KIAA0513: variants seen among roughly 807,000 people sequenced by gnomAD.
KIAA0513 encodes KIAA0513, also known as uncharacterized protein KIAA0513.
Under a neutral mutation model 56.5 loss-of-function variants are expected in KIAA0513, and 39 were observed. That is an observed-to-expected ratio of 0.69 (90% CI 0.53 to 0.90). The LOEUF (loss-of-function observed/expected upper bound fraction) is 0.90, where lower values mean the gene tolerates loss of function less well. KIAA0513 is among the 40% of genes least tolerant of loss of function. The pLI, the probability that KIAA0513 is intolerant of heterozygous loss-of-function variation, is 0.00. For synonymous variants in KIAA0513, 268 were observed against 215.6 expected, an observed-to-expected ratio of 1.24 and a Z score of -2.13; for missense variants, 591 against 535.2, an observed-to-expected ratio of 1.10 and a Z score of -1.03.
chr16:85,040,960 A>C (rs2073097286), intron 1 of KIAA0513, among the ~76,000 whole-genome samples: 1 of 152,148 alleles, frequency 6.6e-6, no homozygotes, highest in African/African-American at 2.4e-5. Flanking sequence ...TGCCAACTCC[A>C]CCATTTCCAG....
intron 8 of KIAA0513, 119 bp downstream of exon 8, chr16:85,079,122 A>T: frequency 3.9e-6 from 6 of 1,542,292 alleles, no homozygotes; most frequent in Non-Finnish European, 5.2e-6. Flanking sequence ...CACACTCACC[A>T]GAGTGGCAGA....
chr16:85,046,731 T>G (rs1597599819), intron 1 of KIAA0513, among the ~76,000 whole-genome samples: 1 of 152,222 alleles, frequency 6.6e-6, no homozygotes, highest in African/African-American at 2.4e-5. Flanking sequence ...TGAGCCTATC[T>G]AGTGGGTTTT....
intron 8 of KIAA0513, among the ~76,000 whole-genome samples, chr16:85,080,200 G>A (rs1039635811): frequency 3.3e-5 from 5 of 152,310 alleles, no homozygotes; most frequent in East Asian, 1.9e-4. Flanking sequence ...AAGCTGGCCC[G>A]CTTTGTCCCG....
intron 2 of KIAA0513, among the ~76,000 whole-genome samples, chr16:85,070,675 G>A (rs373052410): frequency 1.2e-4 from 18 of 152,260 alleles, no homozygotes; most frequent in African/African-American, 4.1e-4. Context: ...GCGAGACTCC[G>A]TCTCAAAAAA....
At chr16:85,035,938 C>T (rs896541115) in intron 1 of KIAA0513, among the ~76,000 whole-genome samples, 2 of 149,148 alleles carry the variant, frequency 1.3e-5, no homozygotes, top group Non-Finnish European at 3.0e-5. Flanking sequence ...GAGATCGTGC[C>T]ACTGCACTCC....
chr16:85,088,947 T>G lies in KIAA0513; in HGVS notation c.*622T>G, dbSNP rs1261398561. ...AGTGGGTGCGGTGTAGAGGATGCTC[T>G]TGGCCGGCTGGAGCAAGACCTGGCT... On this transcript the variant is annotated 3_prime_UTR_variant, in exon 13 of 13. Transcript: ENST00000683363. The G allele has an allele frequency of 6.6e-6, 1 of 152,394 alleles. No homozygotes were observed. Among genetic ancestry groups the G allele is most frequent in the Admixed American group, 6.5e-5 (1 of 15,292 alleles). 9.4% of individuals were successfully genotyped at this position (152,394 alleles called of 1,614,324 possible).
chr16:85,073,476 AG>A (rs2073609495), intron 4 of KIAA0513, among the ~76,000 whole-genome samples: 1 of 152,152 alleles, frequency 6.6e-6, no homozygotes. Flanking sequence ...GTAGGCGGTG[AG>A]GGGTGGTGGA....
intron 4 of KIAA0513, among the ~76,000 whole-genome samples, chr16:85,074,650 C>A (rs1183214003): frequency 1.3e-5 from 2 of 152,206 alleles, no homozygotes; most frequent in Non-Finnish European, 2.9e-5. Flanking sequence ...TGAGGTCTGG[C>A]CTTCAGAGCT....
intron 1 of KIAA0513, among the ~76,000 whole-genome samples, chr16:85,051,003 T>TA (rs1315499596): frequency 1.3e-5 from 2 of 152,004 alleles, no homozygotes; most frequent in African/African-American, 4.8e-5. Context: ...AAAAATGTGT[T>TA]AAAAAATTAG....
At chr16:85,032,239 T>C (rs1054502893) in intron 1 of KIAA0513, among the ~76,000 whole-genome samples, 5 of 152,224 alleles carry the variant, frequency 3.3e-5, no homozygotes, top group Admixed American at 6.5e-5. Flanking sequence ...TGTCCCTGCA[T>C]GTTTGTCTCC....
Position 85,087,142 on chromosome 16 carries a change from GC to G in KIAA0513, c.1163del (p.Ala388ValfsTer2). ...KLCNDFLKKQ[A>X]VIGNLDEEQY... ...GTGCAATGACTTCCTGAAGAAGCAG[GC>G]TGTGATTGGCAACCTGGATGAAGGT... On this transcript the variant is annotated frameshift_variant, in exon 12 of 13. Transcript: ENST00000683363. LOFTEE classifies it high-confidence loss of function. The G allele has an allele frequency of 6.2e-7, 1 of 1,614,172 alleles. No individual in the cohort carries two copies. The highest frequency in any genetic ancestry group is 8.5e-7 in the Non-Finnish European group (1 of 1,180,004).
At chr16:85,046,471 C>T (rs2073172796) in intron 1 of KIAA0513, among the ~76,000 whole-genome samples, 1 of 152,176 alleles carries the variant, frequency 6.6e-6, no homozygotes, top group African/African-American at 2.4e-5. Context: ...AGCGGAGGCC[C>T]GTCTGCTCTG....
intron 1 of KIAA0513, among the ~76,000 whole-genome samples, chr16:85,047,204 C>T (rs964416100): frequency 6.6e-6 from 1 of 152,210 alleles, no homozygotes; most frequent in Non-Finnish European, 1.5e-5. Flanking sequence ...TGTAGCACTC[C>T]ATGGCCTGTG....
chr16:85,066,259 G>C (rs1342411592), intron 1 of KIAA0513, among the ~76,000 whole-genome samples: 2 of 152,174 alleles, frequency 1.3e-5, no homozygotes, highest in African/African-American at 2.4e-5. Context: ...AAAAAGTTGG[G>C]GAATGGAGAA....
At chr16:85,082,457 G>A (rs1597645991) in intron 9 of KIAA0513, 107 bp from the exon 10 acceptor site, 7 of 1,071,084 alleles carry the variant, frequency 6.5e-6, no homozygotes, top group East Asian at 4.8e-5. Flanking sequence ...GTCCCGCTCC[G>A]TTTCTGCCTG....
intron 10 of KIAA0513, among the ~76,000 whole-genome samples, chr16:85,085,115 A>G (rs913455800): frequency 2.6e-5 from 4 of 152,236 alleles, no homozygotes; most frequent in Non-Finnish European, 5.9e-5. Flanking sequence ...TGTGCACAGC[A>G]GGCCTGCGAG....
chr16:85,078,546 C>T, intron 7 of KIAA0513, 91 bp downstream of exon 7: 1 of 1,272,748 alleles, frequency 7.9e-7, no homozygotes, highest in Non-Finnish European at 1.1e-6. Flanking sequence ...GGCTTTCCTG[C>T]CTCCACGGAG....
In KIAA0513 at chr16:85,091,196, G is replaced by A. The variant is rs961210961; in HGVS notation, c.*2871G>A. ...CCTTGAGGGCTGTGCCAATCCTAGT[G>A]AACCAAAATGCAAACAACTCACACA... On this transcript the variant is annotated 3_prime_UTR_variant, in exon 13 of 13. Coordinates refer to ENST00000683363, the MANE Select transcript of KIAA0513 (RefSeq NM_001388359.1). 8 of 152,238 alleles carry A rather than the reference G, an allele frequency of 5.3e-5. No individual in the cohort carries two copies. Among genetic ancestry groups the A allele is most frequent in the African/African-American group, 1.9e-4 (8 of 41,456 alleles). The allele number at this position is 152,238 out of a possible 1,614,324, so 9.4% of individuals were successfully genotyped here.
In KIAA0513 at chr16:85,072,029, C is replaced by A. The variant is rs1037366875; in HGVS notation, c.429+147C>A. Reference sequence around the variant, plus strand: ...AACAGTAAAAAAAGTAAAACTTATCCAAAAATACTCTGAAAAGGAGTGTTT... The same window carrying A: ...AACAGTAAAAAAAGTAAAACTTATCAAAAAATACTCTGAAAAGGAGTGTTT... On this transcript the variant is annotated intron_variant, in intron 3 of 12. Transcript: ENST00000683363. The A allele has an allele frequency of 9.8e-6, 6 of 614,632 alleles. No individual in the cohort carries two copies. The East Asian group carries it at 1.7e-4, about 18-fold the overall frequency. 38.1% of individuals were successfully genotyped at this position (614,632 alleles called of 1,614,324 possible). A position where few individuals can be genotyped will look rare whatever the true frequency, so the allele number is the denominator to read the frequency against.
Sources: gnomAD v4.1 joint callset for allele counts (sites outside exome capture counted in the v4.1 genomes callset) on GRCh38, gnomAD v4.1.1 for gene constraint, MANE v1.5 for transcripts, NCBI Gene and HGNC (gene_info 2026-07-23, HGNC 2026-07-21) for gene names.